CCDC85A: variants seen among roughly 807,000 people sequenced by gnomAD.
CCDC85A encodes coiled-coil domain containing 85A.
A neutral mutation model predicts 50.2 loss-of-function variants in CCDC85A; 38 were observed. The ratio of observed to expected loss-of-function variants is 0.76; its 90% confidence interval spans 0.58 to 0.99. The LOEUF is 0.99. Among genes scored for constraint, CCDC85A ranks in the 50% least tolerant of loss-of-function variants. The pLI is 0.00. For synonymous variants in CCDC85A, 366 were observed against 301.4 expected (o/e 1.21, Z -2.22); for missense variants, 820 against 742.0 (o/e 1.11, Z -1.22).
chr2:56,322,377 T>G (rs1322091923), intron 2 of CCDC85A, among the ~76,000 whole-genome samples: 1 of 151,864 alleles, frequency 6.6e-6, no homozygotes, highest in African/African-American at 2.4e-5. Context: ...TGGGAGAAAA[T>G]TTTTGCAATC....
intron 3 of CCDC85A, among the ~76,000 whole-genome samples, chr2:56,358,484 T>C (rs1675347650): frequency 6.6e-6 from 1 of 152,240 alleles, no homozygotes; most frequent in Non-Finnish European, 1.5e-5. Flanking sequence ...GACTTCTTTA[T>C]TATCTATACC....
intron 4 of CCDC85A, among the ~76,000 whole-genome samples, chr2:56,375,319 G>A (rs920316583): frequency 4.6e-5 from 7 of 152,140 alleles, no homozygotes; most frequent in African/African-American, 7.2e-5. Flanking sequence ...TAAAGAAAAC[G>A]TTGAATTTGG....
At chr2:56,303,014 G>T (rs1263201416) in intron 2 of CCDC85A, among the ~76,000 whole-genome samples, 6 of 152,176 alleles carry the variant, frequency 3.9e-5, no homozygotes, top group African/African-American at 1.4e-4. Context: ...GAAGCAGGTC[G>T]AGCCAGGTTT....
chr2:56,315,658 C>T (rs911434756), intron 2 of CCDC85A, among the ~76,000 whole-genome samples: 50 of 152,148 alleles, frequency 3.3e-4, no homozygotes, highest in African/African-American at 1.2e-3. Flanking sequence ...GGGACTGACC[C>T]TTACAGGCTG....
At chr2:56,246,671 T>G (rs1185936893) in intron 2 of CCDC85A, among the ~76,000 whole-genome samples, 1 of 152,224 alleles carries the variant, frequency 6.6e-6, no homozygotes, top group African/African-American at 2.4e-5. Flanking sequence ...GAAAATCATA[T>G]GACCATAAAT....
At position 56,385,547 on chromosome 2, in the gene CCDC85A, G is replaced by A. The variant is rs1167399677; in HGVS notation, c.*1192G>A. 6.6e-6 allele frequency: 1 copy of A among 152,102 alleles called. No homozygotes were observed. Among genetic ancestry groups the A allele is most frequent in the African/African-American group, 2.4e-5 (1 of 41,360 alleles). The allele number at this position is 152,102 out of a possible 1,614,324, so 9.4% of individuals were successfully genotyped here. A position where few individuals can be genotyped will look rare whatever the true frequency, so the allele number is the denominator to read the frequency against. ...AGTTTCTTGTATGAATGTGCAAGAG[G>A]CCTGTGACCGAATGCTACGTTTTTA... On this transcript the variant is annotated 3_prime_UTR_variant, in exon 6 of 6. Transcript: ENST00000407595.
At chr2:56,254,786 A>T (rs1669911182) in intron 2 of CCDC85A, among the ~76,000 whole-genome samples, 1 of 152,232 alleles carries the variant, frequency 6.6e-6, no homozygotes, top group Non-Finnish European at 1.5e-5. Context: ...TCCCTGAAGA[A>T]GTGATGATTA....
intron 3 of CCDC85A, among the ~76,000 whole-genome samples, chr2:56,346,990 A>G (rs991507636): frequency 1.3e-5 from 2 of 152,210 alleles, no homozygotes; most frequent in African/African-American, 4.8e-5. Flanking sequence ...GATTTCATTA[A>G]CTTTTGAATC....
chr2:56,342,000 T>A (rs200149835), intron 2 of CCDC85A, among the ~76,000 whole-genome samples: 10 of 149,208 alleles, frequency 6.7e-5, no homozygotes, highest in East Asian at 2.0e-4. Context: ...TTTTTTTTTT[T>A]AATGTAGCTT....
chr2:56,308,464 T>G (rs1672542152), intron 2 of CCDC85A, among the ~76,000 whole-genome samples: 1 of 152,176 alleles, frequency 6.6e-6, no homozygotes, highest in South Asian at 2.1e-4. Flanking sequence ...AGCTTTCTTT[T>G]GGATTCAGAA....
intron 2 of CCDC85A, among the ~76,000 whole-genome samples, chr2:56,228,510 C>G (rs1035591387): frequency 6.6e-6 from 1 of 151,374 alleles, no homozygotes; most frequent in Non-Finnish European, 1.5e-5. Flanking sequence ...TCTTCCTCCT[C>G]TTTCTCCCCT....
chr2:56,204,082 C>T (rs1255741498), intron 2 of CCDC85A, among the ~76,000 whole-genome samples: 1 of 152,092 alleles, frequency 6.6e-6, no homozygotes, highest in Admixed American at 6.5e-5. Context: ...TCAGTAGTAC[C>T]AGAATTTAGA....
intron 2 of CCDC85A, among the ~76,000 whole-genome samples, chr2:56,252,539 AT>A (rs948096260): frequency 3.9e-4 from 58 of 148,992 alleles, no homozygotes; most frequent in African/African-American, 1.2e-3. Context: ...TGCTCTGGGT[AT>A]TTTTTTTTTA....
intron 2 of CCDC85A, among the ~76,000 whole-genome samples, chr2:56,211,075 A>G (rs758029260): frequency 3.9e-5 from 6 of 152,074 alleles, no homozygotes; most frequent in Non-Finnish European, 5.9e-5. Flanking sequence ...CATTGTCAAG[A>G]GCATTTGAGT....
intron 2 of CCDC85A, among the ~76,000 whole-genome samples, chr2:56,209,013 C>T (rs186337753): frequency 6.6e-6 from 1 of 152,140 alleles, no homozygotes; most frequent in African/African-American, 2.4e-5. Flanking sequence ...ACTCAAGCAG[C>T]CCAAAAGGAA....
intron 2 of CCDC85A, among the ~76,000 whole-genome samples, chr2:56,284,378 C>T (rs1216872356): frequency 6.6e-6 from 1 of 152,048 alleles, no homozygotes; most frequent in Admixed American, 6.6e-5. Flanking sequence ...TTCAAATCTT[C>T]TTATTTTTTT....
At chr2:56,194,045 A>G (rs1308438336) in intron 2 of CCDC85A, among the ~76,000 whole-genome samples, 7 of 152,268 alleles carry the variant, frequency 4.6e-5, no homozygotes, top group African/African-American at 1.4e-4. Flanking sequence ...ATTTCTTTGC[A>G]TCTAAAACGC....
chr2:56,196,276 T>C (rs1215493584), intron 2 of CCDC85A, among the ~76,000 whole-genome samples: 1 of 152,256 alleles, frequency 6.6e-6, no homozygotes, highest in Non-Finnish European at 1.5e-5. Context: ...TAGAAGTTAC[T>C]GTTCAATGAT....
intron 2 of CCDC85A, among the ~76,000 whole-genome samples, chr2:56,229,596 G>A (rs1668692601): frequency 6.6e-6 from 1 of 152,076 alleles, no homozygotes. Flanking sequence ...AAAAAGGAGA[G>A]GCATGCTTGG....
Sources: gnomAD v4.1 joint callset for allele counts (sites outside exome capture counted in the v4.1 genomes callset) on GRCh38, gnomAD v4.1.1 for gene constraint, MANE v1.5 for transcripts, NCBI Gene and HGNC (gene_info 2026-07-23, HGNC 2026-07-21) for gene names.